The following CCDC102B variants were observed in gnomAD, a reference collection of about 807,000 sequenced individuals.
CCDC102B encodes the protein coiled-coil domain-containing protein 102B.
Under a neutral mutation model 57.4 loss-of-function variants are expected in CCDC102B, and 75 were observed. That is an observed-to-expected ratio of 1.31 (90% CI 1.08 to 1.58). The LOEUF is 1.58. Ranked by LOEUF, CCDC102B falls within the 40% of genes most tolerant of loss-of-function variation. The probability of loss-of-function intolerance (pLI) is 0.00; values close to 1 mark genes in which losing one functional copy is unlikely to be tolerated. For missense variants in CCDC102B, 636 were observed against 582.6 expected (o/e 1.09, Z -0.94); for synonymous variants, 206 against 201.9 (o/e 1.02, Z -0.17).
At chr18:68,904,758 C>T (rs7242111) in intron 6 of CCDC102B, among the ~76,000 whole-genome samples, 137,135 of 152,208 alleles carry the variant, frequency 0.9, 61,849 homozygotes, top group Admixed American at 0.92. Context: ...ATTCTTTTCC[C>T]TGTTATATGA....
chr18:68,798,940 G>A (rs747239980), intron 1 of CCDC102B, among the ~76,000 whole-genome samples: 9 of 151,784 alleles, frequency 5.9e-5, no homozygotes, highest in Admixed American at 1.3e-4. Context: ...AGAAAGATTC[G>A]TCAAAAAATA....
intron 6 of CCDC102B, among the ~76,000 whole-genome samples, chr18:68,937,961 T>C (rs2049287965): frequency 6.6e-6 from 1 of 152,112 alleles, no homozygotes; most frequent in African/African-American, 2.4e-5. Flanking sequence ...GGCTGCATAG[T>C]ATTCCATGGT....
At chr18:69,023,182 A>C (rs1188833753) in intron 7 of CCDC102B, among the ~76,000 whole-genome samples, 1 of 152,096 alleles carries the variant, frequency 6.6e-6, no homozygotes, top group Non-Finnish European at 1.5e-5. Flanking sequence ...TGACAAATGC[A>C]CTTCCTAGTT....
intron 6 of CCDC102B, among the ~76,000 whole-genome samples, chr18:69,006,005 C>T (rs1266874027): frequency 1.3e-5 from 2 of 151,990 alleles, no homozygotes; most frequent in Non-Finnish European, 2.9e-5. Flanking sequence ...AGATTTTTCT[C>T]TTCCAAAATA....
intron 6 of CCDC102B, among the ~76,000 whole-genome samples, chr18:68,925,448 T>C (rs1011185963): frequency 1.3e-5 from 2 of 151,968 alleles, no homozygotes; most frequent in East Asian, 3.9e-4. Context: ...CTCCTTGTCA[T>C]GTCCTCCACT....
chr18:69,002,945 C>A (rs2051244776), intron 6 of CCDC102B, among the ~76,000 whole-genome samples: 1 of 152,126 alleles, frequency 6.6e-6, no homozygotes, highest in Non-Finnish European at 1.5e-5. Context: ...GAAGAGTTCT[C>A]CCACCTACCT....
rs189465154 is a variant in CCDC102B at position 68,881,526 on chromosome 18, A to G, written c.1053+6741A>G. On this transcript the variant is annotated intron_variant, in intron 5 of 7. Transcript: ENST00000360242. ...GTTTCAGGATGCAATTAACACTTGA[A>G]TGGGTGCATTGAGTAAAGCAGATTG... Among the ~76,000 whole-genome samples, 227 of 152,294 alleles carry G rather than the reference A, an allele frequency of 1.5e-3. 1 individual carries two copies. The highest frequency in any genetic ancestry group is 5.3e-3 in the African/African-American group (220 of 41,568).
intron 2 of CCDC102B, among the ~76,000 whole-genome samples, chr18:68,770,280 C>A (rs1746045844): frequency 6.6e-6 from 1 of 152,188 alleles, no homozygotes; most frequent in South Asian, 2.1e-4. Flanking sequence ...AAACAAAACA[C>A]CTAGTTGTGT....
chr18:68,741,834 G>A lies in CCDC102B; in HGVS notation c.-67+25240G>A, dbSNP rs543874742. ...AACAGACAAAGTTGTTGGGCCTGGG[G>A]TTTTTACTGAGGTCAGTGATGGGGA... On this transcript the variant is annotated intron_variant, in intron 2 of 3. Coordinates refer to the CCDC102B transcript ENST00000578970. Among the ~76,000 whole-genome samples the A allele has an allele frequency of 1.8e-3, 277 of 152,254 alleles. 2 individuals carry two copies. Among genetic ancestry groups the A allele is most frequent in the African/African-American group, 6.3e-3 (261 of 41,562 alleles).
chr18:69,050,714 C>A (rs1051457938), intron 7 of CCDC102B, among the ~76,000 whole-genome samples: 1 of 151,978 alleles, frequency 6.6e-6, no homozygotes, highest in African/African-American at 2.4e-5. Flanking sequence ...CTTAGACACA[C>A]ATGGGAAAAC....
At chr18:68,832,133 C>A (rs1426536883) in intron 1 of CCDC102B, among the ~76,000 whole-genome samples, 1 of 151,898 alleles carries the variant, frequency 6.6e-6, no homozygotes, top group Non-Finnish European at 1.5e-5. Context: ...ACAAAGGTTT[C>A]ATTTTCTATA....
At chr18:68,904,688 T>TGC (rs1184251565) in intron 6 of CCDC102B, among the ~76,000 whole-genome samples, 1 of 152,012 alleles carries the variant, frequency 6.6e-6, no homozygotes, top group Non-Finnish European at 1.5e-5. Context: ...CTCAAATGCA[T>TGC]GCACACACAC....
chr18:69,056,622 TTAGA>T (rs1239654845), downstream of CCDC102B, among the ~76,000 whole-genome samples: 6 of 76,058 alleles, frequency 7.9e-5, no homozygotes, highest in African/African-American at 2.1e-4. Context: ...GCCTGTTAAT[TTAGA>T]TAGATAGATA....
chr18:68,977,970 G>A (rs2050484550), intron 6 of CCDC102B, among the ~76,000 whole-genome samples: 1 of 151,978 alleles, frequency 6.6e-6, no homozygotes, highest in East Asian at 1.9e-4. Flanking sequence ...GCCTAGTCAT[G>A]TAGTGGTCTA....
chr18:68,748,192 C>T (rs2033697235), intron 2 of CCDC102B, among the ~76,000 whole-genome samples: 1 of 136,654 alleles, frequency 7.3e-6, no homozygotes, highest in African/African-American at 2.7e-5. Context: ...GGTACTTTGT[C>T]CATTATTAAA....
At chr18:68,828,534 C>T (rs1438008207) in intron 1 of CCDC102B, among the ~76,000 whole-genome samples, 1 of 151,188 alleles carries the variant, frequency 6.6e-6, no homozygotes, top group African/African-American at 2.4e-5. Context: ...AAATACAAAA[C>T]TGAATAAAAT....
At chr18:68,762,842 A>G (rs1029608987) in intron 2 of CCDC102B, among the ~76,000 whole-genome samples, 6 of 152,136 alleles carry the variant, frequency 3.9e-5, no homozygotes, top group Admixed American at 1.3e-4. Context: ...AAACATGAAC[A>G]GAAACGTATT....
intron 6 of CCDC102B, among the ~76,000 whole-genome samples, chr18:68,942,934 C>CGGACT (rs1555730321): frequency 7.6e-6 from 1 of 130,758 alleles, no homozygotes; most frequent in Non-Finnish European, 1.7e-5. Flanking sequence ...GAGGTCCCTG[C>CGGACT]GGCCTTCCGC....
chr18:68,973,603 T>G (rs1419528123), intron 6 of CCDC102B, among the ~76,000 whole-genome samples: 1 of 152,104 alleles, frequency 6.6e-6, no homozygotes, highest in Non-Finnish European at 1.5e-5. Context: ...AATTTACTAT[T>G]TAACAAGAGG....
Sources: gnomAD v4.1 joint callset for allele counts (sites outside exome capture counted in the v4.1 genomes callset) on GRCh38, gnomAD v4.1.1 for gene constraint, MANE v1.5 for transcripts, NCBI Gene and HGNC (gene_info 2026-07-23, HGNC 2026-07-21) for gene names.